Variants in C3orf20 observed in about 807,000 individuals in gnomAD.
C3orf20 encodes family with sequence similarity 149 member C, also known as uncharacterized protein C3orf20.
A neutral mutation model predicts 88.3 loss-of-function variants in C3orf20; 76 were observed. The ratio of observed to expected loss-of-function variants is 0.86; its 90% CI spans 0.72 to 1.04. The LOEUF (loss-of-function observed/expected upper bound fraction) is 1.04. Ranked by LOEUF, C3orf20 falls within the 50% of genes least tolerant of loss-of-function variation. The pLI, the probability that C3orf20 is intolerant of heterozygous loss-of-function variation, is 0.00. For missense variants in C3orf20, 1,056 were observed against 1,123.3 expected (o/e 0.94, Z 0.86); for synonymous variants, 436 against 437.4 (o/e 1.00, Z 0.04).
rs565981113 is a variant in C3orf20, at chr3:14,773,019, G to A, written c.*144G>A. 3.5e-5 allele frequency: 23 copies of A among 660,848 alleles called. No homozygotes were observed. In the East Asian group the frequency reaches 4.7e-4, roughly 13 times the overall value. The allele number at this position is 660,848 out of a possible 1,614,324, so 40.9% of individuals were successfully genotyped here. A position where few individuals can be genotyped will look rare whatever the true frequency, so the allele number is the denominator to read the frequency against. On this transcript the variant is annotated 3_prime_UTR_variant, in exon 17 of 17. Transcript: ENST00000253697. ...AGCGGGCCTCCAGCATTGGGGTGAG[G>A]CTCTGGGGAAGGACAGACCCAGCTC...
At position 14,701,424 on chromosome 3, in the gene C3orf20, T is replaced by C. The variant is rs2124930559; in HGVS notation, c.746-1706T>C. Among the ~76,000 whole-genome samples, 1 of 152,086 alleles carries C rather than the reference T, an allele frequency of 6.6e-6. No individual in the cohort carries two copies. The highest frequency in any genetic ancestry group is 2.1e-4 in the South Asian group (1 of 4,814). On this transcript the variant is annotated intron_variant, in intron 5 of 16. Coordinates refer to ENST00000253697, the MANE Select transcript of C3orf20 (RefSeq NM_032137.5). This position sits in a 1 kb window ranked among gnomAD's most constrained non-coding sequence, Gnocchi z 4.6. Reference sequence around the variant, plus strand: ...GCTGCAGCTGGGTGGGAGTCAGAGGTTCATTGTAGGTAGGACCTGACACAA... The same window carrying C: ...GCTGCAGCTGGGTGGGAGTCAGAGGCTCATTGTAGGTAGGACCTGACACAA...
At chr3:14,678,973 C>T (rs1189840085) in intron 1 of C3orf20, among the ~76,000 whole-genome samples, 1 of 151,906 alleles carries the variant, frequency 6.6e-6, no homozygotes, top group Non-Finnish European at 1.5e-5. Context: ...ATCTGCTGCT[C>T]TCCCACGGAT....
intron 7 of C3orf20, among the ~76,000 whole-genome samples, chr3:14,705,224 G>C (rs2033451043): frequency 6.6e-6 from 1 of 152,236 alleles, no homozygotes. Flanking sequence ...TTGAGAATCT[G>C]ATGAAAGCTA....
intron 9 of C3orf20, among the ~76,000 whole-genome samples, chr3:14,720,629 T>C (rs758837598): frequency 5.9e-5 from 9 of 152,114 alleles, no homozygotes; most frequent in Non-Finnish European, 1.2e-4. Flanking sequence ...TAAGGGGATA[T>C]TGTAGGTCAA....
At chr3:14,770,265 T>C (rs1451171695) in intron 15 of C3orf20, among the ~76,000 whole-genome samples, 1 of 152,130 alleles carries the variant, frequency 6.6e-6, no homozygotes, top group African/African-American at 2.4e-5. Context: ...TGAGGCCGGA[T>C]TGGAGGTAAG....
chr3:14,707,333 G>T (rs886428355), intron 7 of C3orf20, among the ~76,000 whole-genome samples: 1 of 150,990 alleles, frequency 6.6e-6, no homozygotes, highest in African/African-American at 2.4e-5. Context: ...GGCAGCTTCA[G>T]ACCCCAGACC....
At chr3:14,742,723 C>T (rs945887946) in intron 12 of C3orf20, among the ~76,000 whole-genome samples, 2 of 152,168 alleles carry the variant, frequency 1.3e-5, no homozygotes, top group African/African-American at 4.8e-5. Context: ...TTTAATTGGA[C>T]TTACAGTTCC....
chr3:14,678,461 G>C (rs562827598), intron 1 of C3orf20, among the ~76,000 whole-genome samples: 2 of 152,252 alleles, frequency 1.3e-5, no homozygotes, highest in Non-Finnish European at 2.9e-5. Context: ...GTAGCCTTCT[G>C]TGTGTGTGTC....
chr3:14,685,103 GAT>G (rs1188689850), intron 4 of C3orf20, among the ~76,000 whole-genome samples: 3 of 152,116 alleles, frequency 2.0e-5, no homozygotes, highest in Non-Finnish European at 4.4e-5. Context: ...AAGAGAAAAA[GAT>G]ATAAATTAAG....
At chr3:14,695,828 G>A (rs375505869) in intron 5 of C3orf20, among the ~76,000 whole-genome samples, 1 of 151,822 alleles carries the variant, frequency 6.6e-6, no homozygotes, top group Admixed American at 6.6e-5. Context: ...GATTTCCACT[G>A]GCATGTAACA....
chr3:14,703,188 C>G lies in C3orf20; in HGVS notation c.804C>G (p.Thr268=), dbSNP rs771335891. 1 of 1,614,168 alleles carries G rather than the reference C, an allele frequency of 6.2e-7. No homozygotes were observed. The highest frequency in any genetic ancestry group is 1.1e-5 in the South Asian group (1 of 91,088). ...CGCCCCTGCATCGAGGAGTGGGAAC[C>G]CCTGCCAACAGCCTGGAGTTCAGCG... ...SMPPLHRGVG[T]PANSLEFSDP... Residue 268 remains threonine, a synonymous_variant, in exon 6 of 17, where the codon ACC becomes ACG. Coordinates refer to ENST00000253697, the MANE Select transcript of C3orf20 (RefSeq NM_032137.5).
At position 14,764,536 on chromosome 3, in the gene C3orf20, TA is replaced by T. The variant is rs202238748; in HGVS notation, c.2495+2922del. The stretch of plus-strand genomic sequence containing the variant: ...TTGTTGTTGTTGTTGTTGTTGTTGT[TA>T]TTCTCTGTCATGGTCCTGGTGCCAG... On this transcript the variant is annotated intron_variant, in intron 15 of 16. Transcript: ENST00000253697. Among the ~76,000 whole-genome samples, 866 of 151,910 alleles carry T rather than the reference TA, an allele frequency of 5.7e-3. 8 individuals carry two copies. The highest frequency in any genetic ancestry group is 0.02 in the African/African-American group (817 of 41,286).
chr3:14,742,702 A>G, intron 12 of C3orf20, among the ~76,000 whole-genome samples: 1 of 152,212 alleles, frequency 6.6e-6, no homozygotes. Flanking sequence ...GAAACTGGGA[A>G]CAAAAAAAGG....
chr3:14,772,717 C>T lies in C3orf20; in HGVS notation c.2631-74C>T. On this transcript the variant is annotated intron_variant, in intron 16 of 16. Transcript: ENST00000253697. This position sits in a 1 kb window ranked among gnomAD's most constrained non-coding sequence, Gnocchi z 4.2. ...AGGGAGAGGGCCTTGCCCCTCCTGGCCCAACCGGGCCTGGGCTCTGGGCAC... is the reference window on the plus strand; with the variant it reads ...AGGGAGAGGGCCTTGCCCCTCCTGGTCCAACCGGGCCTGGGCTCTGGGCAC... 1 of 1,290,664 alleles carries T rather than the reference C, an allele frequency of 7.7e-7. No individual in the cohort carries two copies. Among genetic ancestry groups the T allele is most frequent in the Non-Finnish European group, 1.1e-6 (1 of 895,028 alleles). 80.0% of individuals were successfully genotyped at this position (1,290,664 alleles called of 1,614,324 possible).
intron 5 of C3orf20, among the ~76,000 whole-genome samples, chr3:14,693,061 A>G (rs2032810531): frequency 2.0e-5 from 3 of 152,050 alleles, no homozygotes; most frequent in Non-Finnish European, 4.4e-5. Flanking sequence ...GGGGCTCTGT[A>G]TTGTGTTTCA....
chr3:14,682,112 A>T (rs1405355879), intron 1 of C3orf20, 58 bp from the exon 2 acceptor site: 1 of 152,340 alleles, frequency 6.6e-6, no homozygotes, highest in East Asian at 1.9e-4. Flanking sequence ...TTGGCAAATT[A>T]TATTAGTGAT....
chr3:14,755,857 G>A (rs1025902339), intron 12 of C3orf20, among the ~76,000 whole-genome samples: 7 of 151,766 alleles, frequency 4.6e-5, no homozygotes, highest in Admixed American at 6.6e-5. Flanking sequence ...GTGAAACCCC[G>A]TCTCTACTAA....
chr3:14,769,309 C>T (rs1004059968), intron 15 of C3orf20, among the ~76,000 whole-genome samples: 4 of 152,074 alleles, frequency 2.6e-5, no homozygotes, highest in Middle Eastern at 3.4e-3. Flanking sequence ...GGAAAAGGCA[C>T]TCAGGAGGGG....
chr3:14,761,720 G>A, intron 15 of C3orf20, 105 bp downstream of exon 15: 3 of 808,470 alleles, frequency 3.7e-6, no homozygotes, highest in South Asian at 2.8e-5. Context: ...AGGCGGGGCT[G>A]AAGGGATGGA....
Sources: gnomAD v4.1 joint callset for allele counts (sites outside exome capture counted in the v4.1 genomes callset) on GRCh38, gnomAD v4.1.1 for gene constraint, Gnocchi (gnomAD v3.1) non-coding constraint, MANE v1.5 for transcripts, NCBI Gene and HGNC (gene_info 2026-07-23, HGNC 2026-07-21) for gene names.